Variants in GLIPR1L2 observed in about 807,000 individuals in gnomAD.
GLIPR1L2 encodes GLIPR1 like 2.
In GLIPR1L2, 21 loss-of-function variants were observed where a neutral mutation model predicts 28.4. The observed-to-expected ratio is 0.74, with a 90% CI of 0.52 to 1.06. The LOEUF (loss-of-function observed/expected upper bound fraction) is 1.06, where lower values mean the gene tolerates loss of function less well. Among genes scored for constraint, GLIPR1L2 ranks in the 50% least tolerant of loss-of-function variants. The pLI is 0.00. For synonymous variants in GLIPR1L2, 145 were observed against 139.3 expected (o/e 1.04, Z -0.29); for missense variants, 476 against 416.9 (o/e 1.14, Z -1.23).
intron 3 of GLIPR1L2, among the ~76,000 whole-genome samples, chr12:75,415,514 A>T (rs1033182938): frequency 2.6e-5 from 4 of 152,124 alleles, no homozygotes; most frequent in Non-Finnish European, 5.9e-5. Context: ...TTTATTATCA[A>T]ACAGTTCTAT....
At chr12:75,427,706 G>C (rs2065729472) in intron 4 of GLIPR1L2, among the ~76,000 whole-genome samples, 1 of 152,178 alleles carries the variant, frequency 6.6e-6, no homozygotes, top group Admixed American at 6.5e-5. Flanking sequence ...GAGGGACCTG[G>C]TGGGAGGTAA....
chr12:75,432,547 C>T lies in GLIPR1L2; in HGVS notation c.*1386C>T. 6.6e-6 allele frequency: 1 copy of T among 151,102 alleles called. No individual in the cohort carries two copies. Among genetic ancestry groups the T allele is most frequent in the Non-Finnish European group, 1.5e-5 (1 of 67,824 alleles). The allele number at this position is 151,102 out of a possible 1,614,324, so 9.4% of individuals were successfully genotyped here. A position where few individuals can be genotyped will look rare whatever the true frequency, so the allele number is the denominator to read the frequency against. The stretch of plus-strand genomic sequence containing the variant: ...GGGAAAGAAAAAAAAAAAAACCTAG[C>T]ATAGCCAAATACCTCAAATGGTATA... On this transcript the variant is annotated 3_prime_UTR_variant, in exon 6 of 6. Coordinates refer to ENST00000550916, the MANE Select transcript of GLIPR1L2 (RefSeq NM_001270396.2).
Position 75,432,612 on chromosome 12 carries a change from C to A in GLIPR1L2, c.*1451C>A, listed in dbSNP as rs1238915039. The A allele has an allele frequency of 6.6e-6, 1 of 151,458 alleles. No individual in the cohort carries two copies. Among genetic ancestry groups the A allele is most frequent in the Admixed American group, 6.6e-5 (1 of 15,176 alleles). The allele number at this position is 151,458 out of a possible 1,614,324, so 9.4% of individuals were successfully genotyped here. A position where few individuals can be genotyped will look rare whatever the true frequency, so the allele number is the denominator to read the frequency against. ...TTACTCTGTTGTTCTTTAGTTGTAT[C>A]AATATTCTGTTAAAAACCTGTTCGA... On this transcript the variant is annotated 3_prime_UTR_variant, in exon 6 of 6. Transcript: ENST00000550916.
At chr12:75,412,793 C>T (rs1438933458) in intron 2 of GLIPR1L2, among the ~76,000 whole-genome samples, 1 of 152,002 alleles carries the variant, frequency 6.6e-6, no homozygotes, top group Non-Finnish European at 1.5e-5. Flanking sequence ...GTGGCGATTC[C>T]TCAGGGATCT....
chr12:75,406,602 A>T (rs535371283), intron 1 of GLIPR1L2, among the ~76,000 whole-genome samples: 1 of 151,820 alleles, frequency 6.6e-6, no homozygotes, highest in Non-Finnish European at 1.5e-5. Flanking sequence ...ACCAAAAAAT[A>T]AAAGAATTAG....
intron 1 of GLIPR1L2, among the ~76,000 whole-genome samples, chr12:75,405,134 CTT>C (rs2139932455): frequency 6.6e-6 from 1 of 152,144 alleles, no homozygotes; most frequent in African/African-American, 2.4e-5. Flanking sequence ...TATACAAACA[CTT>C]TGTATGAAAA....
chr12:75,408,016 T>C (rs2045821645), intron 1 of GLIPR1L2, among the ~76,000 whole-genome samples: 1 of 152,050 alleles, frequency 6.6e-6, no homozygotes, highest in Non-Finnish European at 1.5e-5. Flanking sequence ...CAGGGAAATA[T>C]ATTGAAATAA....
At position 75,415,512 on chromosome 12, in the gene GLIPR1L2, C is replaced by T. The variant is rs143460925; in HGVS notation, c.584+1811C>T. Among the ~76,000 whole-genome samples, 291 of 152,170 alleles carry T rather than the reference C, an allele frequency of 1.9e-3. 2 individuals are homozygous for T. The highest frequency in any genetic ancestry group is 0.017 in the Middle Eastern group (5 of 294). Reference sequence around the variant, plus strand: ...GATTTAAAGCAGCAACATTTATTATCAAACAGTTCTATAGGTCATGAACCC... The same window carrying T: ...GATTTAAAGCAGCAACATTTATTATTAAACAGTTCTATAGGTCATGAACCC... On this transcript the variant is annotated intron_variant, in intron 3 of 5. Transcript: ENST00000550916.
chr12:75,391,328 G>T lies in GLIPR1L2; in HGVS notation c.212G>T (p.Arg71Leu), dbSNP rs781325607. ...GAGCTGCGGGGCGACGTCATTCCCC[G>T]AGGGTCTAACTTGCGCTTCATGGTG... Reference protein sequence around the residue: ...HNELRGDVIPRGSNLRFMTWD... With the variant: ...HNELRGDVIPLGSNLRFMTWD... The change falls in exon 1 of 6, where the codon CGA (arginine) becomes CTA (leucine). Residue 71 changes from arginine (R) to leucine (L), a missense_variant. Physicochemically the swap from Arg to Leu is moderately radical, Grantham distance 102. Transcript: ENST00000550916. 3.7e-6 allele frequency: 6 copies of T among 1,614,134 alleles called. No homozygotes were observed. In the Admixed American group the frequency reaches 6.7e-5, roughly 18 times the overall value.
In GLIPR1L2 at chr12:75,430,956, A is replaced by C. The variant is rs1168111464; in HGVS notation, c.830A>C (p.Gln277Pro). 4.6e-6 allele frequency: 7 copies of C among 1,535,748 alleles called. No homozygotes were observed. In the East Asian group the frequency reaches 1.5e-4, roughly 32 times the overall value. The change falls in exon 6 of 6, where the codon CAG becomes CCG. Residue 277 changes from glutamine to proline, a missense_variant. Transcript: ENST00000550916. ...ATAACTGTTTTGATAGTACAGTCTCAGTTTCCAAATATCTTGTTGGAACAA... is the reference window on the plus strand; with the variant it reads ...ATAACTGTTTTGATAGTACAGTCTCCGTTTCCAAATATCTTGTTGGAACAA... ...CVITVLIVQS[Q>P]FPNILLEQQM...
chr12:75,403,464 C>A (rs1168274233), intron 1 of GLIPR1L2, among the ~76,000 whole-genome samples: 1 of 152,102 alleles, frequency 6.6e-6, no homozygotes, highest in Non-Finnish European at 1.5e-5. Flanking sequence ...TTTGATTCTG[C>A]TTCTCTCCTG....
At chr12:75,393,205 A>C (rs2045649476) in intron 1 of GLIPR1L2, among the ~76,000 whole-genome samples, 1 of 152,100 alleles carries the variant, frequency 6.6e-6, no homozygotes, top group Non-Finnish European at 1.5e-5. Context: ...AAATACCAAA[A>C]AAATTGTTGT....
chr12:75,428,533 T>A (rs2046057461), intron 4 of GLIPR1L2, among the ~76,000 whole-genome samples: 1 of 152,160 alleles, frequency 6.6e-6, no homozygotes, highest in East Asian at 1.9e-4. Flanking sequence ...TATATATTTT[T>A]TTTTCTGGGG....
intron 1 of GLIPR1L2, among the ~76,000 whole-genome samples, chr12:75,401,703 C>G (rs2045743611): frequency 6.6e-6 from 1 of 151,936 alleles, no homozygotes; most frequent in Middle Eastern, 3.4e-3. Context: ...CTAGAAAGAA[C>G]AAAAAATGTT....
chr12:75,426,761 G>A (rs1011452521), intron 4 of GLIPR1L2, among the ~76,000 whole-genome samples: 1 of 152,190 alleles, frequency 6.6e-6, no homozygotes, highest in African/African-American at 2.4e-5. Flanking sequence ...AGAGATGGTG[G>A]AATGATGCCT....
intron 1 of GLIPR1L2, 62 bp downstream of exon 1, chr12:75,391,412 C>T: frequency 6.2e-7 from 1 of 1,601,202 alleles, no homozygotes; most frequent in Non-Finnish European, 8.6e-7. Context: ...CTCCCTGGAT[C>T]TCGGGTAGTT....
chr12:75,426,332 T>C (rs532986928), intron 4 of GLIPR1L2, among the ~76,000 whole-genome samples: 4 of 152,310 alleles, frequency 2.6e-5, no homozygotes, highest in Admixed American at 6.5e-5. Context: ...AGCAATAAAG[T>C]ATTTAACATA....
intron 1 of GLIPR1L2, among the ~76,000 whole-genome samples, chr12:75,396,835 T>G (rs578091461): frequency 4.6e-5 from 7 of 152,226 alleles, no homozygotes; most frequent in Non-Finnish European, 1.0e-4. Context: ...GTCTTTTGGT[T>G]GTTATTTTAA....
chr12:75,418,774 G>C (rs1396370136), intron 3 of GLIPR1L2, among the ~76,000 whole-genome samples: 1 of 152,118 alleles, frequency 6.6e-6, no homozygotes, highest in Non-Finnish European at 1.5e-5. Flanking sequence ...TGGGCAGTAT[G>C]GCCATTTTCA....
Sources: allele counts gnomAD v4.1 joint callset (sites outside exome capture counted in the v4.1 genomes callset), GRCh38; gene constraint gnomAD v4.1.1; transcripts MANE v1.5; gene names NCBI Gene and HGNC (gene_info 2026-07-23, HGNC 2026-07-21).